GRIP1: variants seen among roughly 807,000 people sequenced by gnomAD.
The protein encoded by GRIP1 is glutamate receptor-interacting protein 1.
In GRIP1, 45 loss-of-function variants were observed where a neutral mutation model predicts 129.9. The ratio of observed to expected loss-of-function variants is 0.35; its 90% CI spans 0.27 to 0.44. GRIP1 has a LOEUF of 0.44. Among genes scored for constraint, GRIP1 ranks in the 20% least tolerant of loss-of-function variants. The pLI is 1.00. For synonymous variants in GRIP1, 530 were observed against 520.8 expected (o/e 1.02, Z -0.24); for missense variants, 1,196 against 1,396.8 (o/e 0.86, Z 2.29).
chr12:66,609,453 G>A (rs1278173802), intron 1 of GRIP1, among the ~76,000 whole-genome samples: 1 of 151,942 alleles, frequency 6.6e-6, no homozygotes, highest in Non-Finnish European at 1.5e-5. Flanking sequence ...GACATTAAAT[G>A]GTCTATTATG....
At chr12:66,432,805 T>C (rs1302095740) in intron 13 of GRIP1, among the ~76,000 whole-genome samples, 177 bp from the exon 14 acceptor site, 2 of 152,176 alleles carry the variant, frequency 1.3e-5, no homozygotes, top group Non-Finnish European at 2.9e-5. Flanking sequence ...ATGAATACAC[T>C]TCCTATCCAC....
intron 1 of GRIP1, among the ~76,000 whole-genome samples, chr12:66,650,968 T>C (rs1309628578): frequency 1.3e-5 from 2 of 152,180 alleles, no homozygotes; most frequent in Admixed American, 6.5e-5. Flanking sequence ...ATCCAACTCA[T>C]AGCACTGCTG....
intron 1 of GRIP1, among the ~76,000 whole-genome samples, chr12:67,012,008 G>A (rs778418788): frequency 2.0e-5 from 3 of 152,292 alleles, no homozygotes; most frequent in Non-Finnish European, 4.4e-5. Flanking sequence ...ACTCTAAGCT[G>A]CAGGAAGGCA....
At chr12:66,822,640 G>T (rs551419814) in intron 1 of GRIP1, among the ~76,000 whole-genome samples, 1 of 152,132 alleles carries the variant, frequency 6.6e-6, no homozygotes, top group East Asian at 1.9e-4. Flanking sequence ...AGAAAATGTG[G>T]TACCTATACA....
At chr12:66,375,766 C>T (rs564451661) in intron 22 of GRIP1, among the ~76,000 whole-genome samples, 1 of 152,284 alleles carries the variant, frequency 6.6e-6, no homozygotes, top group Admixed American at 6.5e-5. Context: ...TGGGTGAAAA[C>T]AGAACCTGAT....
chr12:66,650,332 A>C (rs1431007554), intron 1 of GRIP1, among the ~76,000 whole-genome samples: 1 of 152,198 alleles, frequency 6.6e-6, no homozygotes, highest in Non-Finnish European at 1.5e-5. Context: ...TTTATTTCTT[A>C]ATCTTGTGAG....
At chr12:67,003,780 T>C (rs1315448834) in intron 1 of GRIP1, among the ~76,000 whole-genome samples, 1 of 152,184 alleles carries the variant, frequency 6.6e-6, no homozygotes, top group African/African-American at 2.4e-5. Flanking sequence ...TATCTATTTT[T>C]AAATGAAATT....
At chr12:66,681,549 T>C (rs1424136374), upstream of GRIP1, among the ~76,000 whole-genome samples, 2 of 152,160 alleles carry the variant, frequency 1.3e-5, no homozygotes, top group African/African-American at 4.8e-5. Context: ...GGCTACCAGA[T>C]CAATGTAAGC....
chr12:66,491,675 CT>C (rs768472509), intron 7 of GRIP1, among the ~76,000 whole-genome samples: 1 of 152,148 alleles, frequency 6.6e-6, no homozygotes, highest in Non-Finnish European at 1.5e-5. Context: ...GGGCATAATT[CT>C]TTGAGGACCA....
At chr12:66,895,841 C>A (rs943686778) in intron 1 of GRIP1, among the ~76,000 whole-genome samples, 9 of 152,136 alleles carry the variant, frequency 5.9e-5, no homozygotes, top group Non-Finnish European at 1.0e-4. Flanking sequence ...AAAAGCAACA[C>A]TAATACATTT....
At chr12:66,702,983 T>C (rs1435952790) in intron 1 of GRIP1, among the ~76,000 whole-genome samples, 3 of 152,196 alleles carry the variant, frequency 2.0e-5, no homozygotes, top group African/African-American at 7.2e-5. Context: ...GATGACAGAC[T>C]GAGCTCCTAC....
intron 1 of GRIP1, among the ~76,000 whole-genome samples, chr12:66,925,916 T>C (rs2041288995): frequency 6.6e-6 from 1 of 152,222 alleles, no homozygotes; most frequent in African/African-American, 2.4e-5. Flanking sequence ...AGTGCTGGGA[T>C]TATAGGCGTG....
chr12:66,617,085 T>TTGTGTGTGTGTGTGTG lies in GRIP1; in HGVS notation c.56-20174_56-20159dup, dbSNP rs71436017. 2.9e-3 allele frequency among the ~76,000 whole-genome samples: 397 copies of TTGTGTGTGTGTGTGTG among 135,500 alleles called. 2 individuals are homozygous for TTGTGTGTGTGTGTGTG. The highest frequency in any genetic ancestry group is 3.5e-3 in the East Asian group (16 of 4,528). 88.9% of individuals were successfully genotyped at this position (135,500 alleles called of 152,430 possible). A position where few individuals can be genotyped will look rare whatever the true frequency, so the allele number is the denominator to read the frequency against. On this transcript the variant is annotated intron_variant, in intron 1 of 24. Transcript: ENST00000359742. ...AGCAACTTGACAAGCAACAGACGTT[T>TTGTGTGTGTGTGTGTG]TGTGTGTGTGTGTGTGTGTGTGTGT...
intron 1 of GRIP1, among the ~76,000 whole-genome samples, chr12:67,056,285 T>C (rs750125601): frequency 3.3e-5 from 5 of 152,240 alleles, no homozygotes; most frequent in Non-Finnish European, 7.3e-5. Context: ...GCCTTAGCTA[T>C]GAAGACTCAA....
chr12:66,487,551 T>G (rs1228095021), intron 7 of GRIP1, among the ~76,000 whole-genome samples: 1 of 152,118 alleles, frequency 6.6e-6, no homozygotes, highest in Admixed American at 6.6e-5. Flanking sequence ...CACAGACCAG[T>G]GATACTATGA....
intron 1 of GRIP1, among the ~76,000 whole-genome samples, chr12:66,969,973 T>C (rs1320974790): frequency 6.6e-6 from 1 of 152,222 alleles, no homozygotes; most frequent in African/African-American, 2.4e-5. Flanking sequence ...CCTTAACATA[T>C]GAATCATAGC....
At chr12:66,783,380 AGTTT>A (rs1469681370) in intron 1 of GRIP1, among the ~76,000 whole-genome samples, 3 of 152,154 alleles carry the variant, frequency 2.0e-5, no homozygotes, top group Non-Finnish European at 4.4e-5. Context: ...AAAAGTGCAT[AGTTT>A]GTTTCTGTGT....
At chr12:66,674,357 C>G (rs1457382900) in intron 1 of GRIP1, among the ~76,000 whole-genome samples, 2 of 152,178 alleles carry the variant, frequency 1.3e-5, no homozygotes, top group Non-Finnish European at 1.5e-5. Context: ...ATACTGAACT[C>G]TGTGATGGAT....
At chr12:66,817,301 A>C (rs1240959358) in intron 1 of GRIP1, among the ~76,000 whole-genome samples, 1 of 152,036 alleles carries the variant, frequency 6.6e-6, no homozygotes, top group Non-Finnish European at 1.5e-5. Flanking sequence ...TTTGGTCTCA[A>C]GACCCATCTG....
Sources: allele counts gnomAD v4.1 joint callset (sites outside exome capture counted in the v4.1 genomes callset), GRCh38; gene constraint gnomAD v4.1.1; transcripts MANE v1.5; gene names NCBI Gene and HGNC (gene_info 2026-07-23, HGNC 2026-07-21).